The following RIT2 variants were observed in gnomAD, a reference collection of about 807,000 sequenced individuals.
RIT2 encodes GTP-binding protein Rit2.
In RIT2, 24 loss-of-function variants were observed where a neutral mutation model predicts 23.7. The observed-to-expected ratio is 1.01, with a 90% CI of 0.73 to 1.43. The LOEUF (loss-of-function observed/expected upper bound fraction) is 1.43. RIT2 is among the 40% of genes most tolerant of loss of function. The pLI, the probability that RIT2 is intolerant of heterozygous loss-of-function variation, is 0.00. For synonymous variants in RIT2, 107 were observed against 91.1 expected (o/e 1.17, Z -0.99); for missense variants, 236 against 266.9 (o/e 0.88, Z 0.81).
intron 4 of RIT2, among the ~76,000 whole-genome samples, chr18:42,795,574 C>G (rs1025773626): frequency 6.6e-6 from 1 of 152,236 alleles, no homozygotes; most frequent in African/African-American, 2.4e-5. Context: ...CCCTGCTCCA[C>G]GGCGCCCAGT....
chr18:42,775,009 G>T (rs1913634632), intron 4 of RIT2, among the ~76,000 whole-genome samples: 1 of 152,168 alleles, frequency 6.6e-6, no homozygotes, highest in Admixed American at 6.5e-5. Context: ...AAGAGGAGTA[G>T]AAAATGATAT....
At chr18:42,830,890 G>A (rs764668994) in intron 4 of RIT2, among the ~76,000 whole-genome samples, 14 of 152,106 alleles carry the variant, frequency 9.2e-5, no homozygotes, top group Non-Finnish European at 1.6e-4. Context: ...ACAGAATCAT[G>A]GGGTCACCAA....
chr18:43,105,497 A>AGAGGAAGGGAGGAAGGGAGG (rs72193332), intron 1 of RIT2, among the ~76,000 whole-genome samples: 5 of 90,784 alleles, frequency 5.5e-5, no homozygotes, highest in Admixed American at 1.0e-4. Context: ...AGGGAGGAAG[A>AGAGGAAGGGAGGAAGGGAGG]AAGGGAGGGA....
intron 1 of RIT2, among the ~76,000 whole-genome samples, chr18:43,112,617 T>C (rs1288085262): frequency 1.3e-5 from 2 of 152,130 alleles, no homozygotes; most frequent in African/African-American, 4.8e-5. Context: ...CAAAAACATT[T>C]CTCAGGCCAG....
chr18:42,847,518 A>C (rs192354397), intron 4 of RIT2, among the ~76,000 whole-genome samples: 1 of 152,196 alleles, frequency 6.6e-6, no homozygotes, highest in Non-Finnish European at 1.5e-5. Context: ...TGCCCTAAAA[A>C]AATTGTAGGT....
intron 3 of RIT2, among the ~76,000 whole-genome samples, chr18:42,932,358 A>G (rs1909347987): frequency 6.6e-6 from 1 of 152,046 alleles, no homozygotes; most frequent in Non-Finnish European, 1.5e-5. Flanking sequence ...TCACTATCTG[A>G]TTACTCTTCT....
In RIT2 at chr18:43,033,917, A is replaced by C. The variant is rs190080771; in HGVS notation, c.104-50T>G. 9,131 of 1,291,722 alleles carry C rather than the reference A, an allele frequency of 7.1e-3. 67 individuals are homozygous for C. Among genetic ancestry groups the C allele is most frequent in the Non-Finnish European group, 6.9e-3 (6,242 of 898,870 alleles). The allele number at this position is 1,291,722 out of a possible 1,614,324, so 80.0% of individuals were successfully genotyped here. ...TTTAATAAAAATTCACTAATTCATCAATAAGTTATTTACCAACATAGTCCA... is the reference window on the plus strand; with the variant it reads ...TTTAATAAAAATTCACTAATTCATCCATAAGTTATTTACCAACATAGTCCA... On this transcript the variant is annotated intron_variant, in intron 1 of 4. Coordinates refer to ENST00000326695, the MANE Select transcript of RIT2 (RefSeq NM_002930.4).
At position 42,775,683 on chromosome 18, in the gene RIT2, C is replaced by T. The variant is rs944989743; in HGVS notation, c.427-31963G>A. ...CTGCACTCCAGCCTGGGCGACAGAG[C>T]GAGACTCCATCTCAAAAATAAATAA... On this transcript the variant is annotated intron_variant, in intron 4 of 4. Coordinates refer to ENST00000326695, the MANE Select transcript of RIT2 (RefSeq NM_002930.4). Among the ~76,000 whole-genome samples, 6 of 143,222 alleles carry T rather than the reference C, an allele frequency of 4.2e-5. No individual in the cohort carries two copies. The South Asian group carries it at 1.4e-3, about 34-fold the overall frequency. The allele number at this position is 143,222 out of a possible 152,430, so 94.0% of individuals were successfully genotyped here.
intron 2 of RIT2, among the ~76,000 whole-genome samples, chr18:42,993,231 C>A (rs971504648): frequency 1.1e-4 from 16 of 152,200 alleles, no homozygotes; most frequent in African/African-American, 3.6e-4. Flanking sequence ...CTATGTGGGA[C>A]CCCACTGAAA....
At chr18:42,853,844 G>C (rs1293249199) in intron 4 of RIT2, among the ~76,000 whole-genome samples, 1 of 152,040 alleles carries the variant, frequency 6.6e-6, no homozygotes, top group African/African-American at 2.4e-5. Flanking sequence ...CTAAAAATAG[G>C]TTGCAATGCA....
At chr18:43,107,797 G>C (rs1283226724) in intron 1 of RIT2, among the ~76,000 whole-genome samples, 1 of 151,968 alleles carries the variant, frequency 6.6e-6, no homozygotes, top group Non-Finnish European at 1.5e-5. Flanking sequence ...AGCACTCTCC[G>C]TTGTTTGTGT....
At chr18:43,072,277 C>G (rs1449186008) in intron 1 of RIT2, among the ~76,000 whole-genome samples, 1 of 152,114 alleles carries the variant, frequency 6.6e-6, no homozygotes, top group Non-Finnish European at 1.5e-5. Flanking sequence ...TGAGCCACCA[C>G]ACCTGGCCCT....
intron 2 of RIT2, among the ~76,000 whole-genome samples, chr18:43,023,410 T>C (rs931256477): frequency 1.2e-4 from 19 of 152,212 alleles, no homozygotes; most frequent in African/African-American, 4.1e-4. Context: ...AAAGTCTAGA[T>C]GTCCTTATCC....
intron 3 of RIT2, chr18:42,949,037 C>T (rs1909789334): frequency 1.3e-5 from 5 of 397,618 alleles, no homozygotes. Flanking sequence ...TGTGTTTCAG[C>T]CAGTCACACA....
At position 42,951,704 on chromosome 18, in the gene RIT2, C is replaced by A. The variant is rs186805595; in HGVS notation, c.234+22370G>T. On this transcript the variant is annotated intron_variant, in intron 3 of 4. Coordinates refer to ENST00000326695, the MANE Select transcript of RIT2 (RefSeq NM_002930.4). ...AAAGAGATATTTGCACTCCCATATT[C>A]ATTGCAGCATTATTTACAATAGCCA... Among the ~76,000 whole-genome samples the A allele has an allele frequency of 1.4e-4, 22 of 152,118 alleles. No individual in the cohort carries two copies. The East Asian group carries it at 4.3e-3, about 29-fold the overall frequency.
At chr18:42,860,912 C>T (rs1907309442) in intron 4 of RIT2, among the ~76,000 whole-genome samples, 1 of 152,164 alleles carries the variant, frequency 6.6e-6, no homozygotes, top group African/African-American at 2.4e-5. Context: ...ACCTATCTAT[C>T]TCTGAGAATT....
intron 4 of RIT2, among the ~76,000 whole-genome samples, chr18:42,849,752 A>G (rs1370060614): frequency 6.6e-6 from 1 of 152,170 alleles, no homozygotes; most frequent in Non-Finnish European, 1.5e-5. Flanking sequence ...AAACAGAACA[A>G]TAATGTATGA....
At chr18:42,912,259 A>C (rs1340036650) in intron 4 of RIT2, among the ~76,000 whole-genome samples, 1 of 151,828 alleles carries the variant, frequency 6.6e-6, no homozygotes, top group African/African-American at 2.4e-5. Context: ...TCAGTACATT[A>C]GGAATATAGA....
intron 4 of RIT2, among the ~76,000 whole-genome samples, chr18:42,763,264 C>T (rs948794795): frequency 1.1e-4 from 17 of 152,092 alleles, no homozygotes; most frequent in African/African-American, 3.6e-4. Context: ...AGATCGAGAC[C>T]ATCCTGGCTA....
Sources: allele counts gnomAD v4.1 joint callset (sites outside exome capture counted in the v4.1 genomes callset), GRCh38; gene constraint gnomAD v4.1.1; transcripts MANE v1.5; gene names NCBI Gene and HGNC (gene_info 2026-07-23, HGNC 2026-07-21).